Variants in CDH6 observed in about 807,000 individuals in gnomAD.
The protein encoded by CDH6 is cadherin-6.
Under a neutral mutation model 78.0 loss-of-function variants are expected in CDH6, and 31 were observed. That is an observed-to-expected ratio of 0.40 (90% CI 0.30 to 0.54). The LOEUF is 0.54. CDH6 is among the 20% of genes least tolerant of loss of function. CDH6 has a pLI of 0.56. For synonymous variants in CDH6, 376 were observed against 368.8 expected, an observed-to-expected ratio of 1.02 and a Z score of -0.23; for missense variants, 724 against 975.9, an observed-to-expected ratio of 0.74 and a Z score of 3.44.
chr5:31,298,713 G>C (rs1737674252), intron 4 of CDH6, among the ~76,000 whole-genome samples: 1 of 152,194 alleles, frequency 6.6e-6, no homozygotes, highest in South Asian at 2.1e-4. Context: ...CAAACTTTTA[G>C]AAGTTCTTTA....
intron 1 of CDH6, among the ~76,000 whole-genome samples, chr5:31,236,010 A>G (rs1741444666): frequency 6.6e-6 from 1 of 152,106 alleles, no homozygotes; most frequent in Non-Finnish European, 1.5e-5. Context: ...ATTGCCAATA[A>G]TTTATTCTTT....
chr5:31,302,063 G>A, intron 5 of CDH6, 48 bp from the exon 6 acceptor site: 3 of 1,295,124 alleles, frequency 2.3e-6, no homozygotes, highest in South Asian at 1.5e-5. Context: ...ATGATGATAA[G>A]AGTGTGGTTA....
intron 1 of CDH6, among the ~76,000 whole-genome samples, chr5:31,217,569 C>T (rs1348830310): frequency 6.6e-6 from 1 of 152,116 alleles, no homozygotes; most frequent in Admixed American, 6.6e-5. Flanking sequence ...ATTAATTGAG[C>T]ACTTTAATAA....
intron 1 of CDH6, among the ~76,000 whole-genome samples, chr5:31,260,541 T>C (rs77152682): frequency 0.026 from 3,893 of 152,340 alleles, 177 homozygotes; most frequent in African/African-American, 0.089. Flanking sequence ...TTTTATGTGC[T>C]GTAACACATT....
At chr5:31,284,558 AG>A (rs1482828317) in intron 2 of CDH6, among the ~76,000 whole-genome samples, 1 of 152,196 alleles carries the variant, frequency 6.6e-6, no homozygotes, top group African/African-American at 2.4e-5. Context: ...CAGAACAAGA[AG>A]GGGGTGGATT....
chr5:31,294,303 A>G lies in CDH6; in HGVS notation c.523+47A>G. The G allele has an allele frequency of 6.6e-7, 1 of 1,509,548 alleles. No individual in the cohort carries two copies. The highest frequency in any genetic ancestry group is 9.1e-7 in the Non-Finnish European group (1 of 1,102,236). 93.5% of individuals were successfully genotyped at this position (1,509,548 alleles called of 1,614,324 possible). On this transcript the variant is annotated intron_variant, in intron 3 of 11. Coordinates refer to ENST00000265071, the MANE Select transcript of CDH6 (RefSeq NM_004932.4). This position sits in a 1 kb window ranked among gnomAD's most constrained non-coding sequence, Gnocchi z 4.1. ...CCAAAAGCTGGCTTTCCCCTAGTGC[A>G]TCCACTGAGTAAGGAATCCCACGAG... is the stretch of plus-strand genomic sequence containing the variant.
At chr5:31,310,296 C>T (rs1443901509) in intron 7 of CDH6, among the ~76,000 whole-genome samples, 1 of 152,244 alleles carries the variant, frequency 6.6e-6, no homozygotes, top group Non-Finnish European at 1.5e-5. Flanking sequence ...TCTCCTTTGA[C>T]TCCATGTCTC....
chr5:31,228,426 A>G (rs1176462591), intron 1 of CDH6, among the ~76,000 whole-genome samples: 1 of 152,212 alleles, frequency 6.6e-6, no homozygotes, highest in Non-Finnish European at 1.5e-5. Context: ...AGGAAGCTGC[A>G]TTCACCTTGA....
intron 1 of CDH6, among the ~76,000 whole-genome samples, chr5:31,210,670 T>C (rs1740679448): frequency 6.6e-6 from 1 of 152,154 alleles, no homozygotes; most frequent in Non-Finnish European, 1.5e-5. Context: ...AATGGTGAAG[T>C]ATTTGCACAT....
rs1561065159 is a variant in CDH6, at chr5:31,302,148, G to A, written c.849G>A (p.Pro283=). 4 of 1,613,326 alleles carry A rather than the reference G, an allele frequency of 2.5e-6. No homozygotes were observed. The highest frequency in any genetic ancestry group is 1.1e-5 in the South Asian group (1 of 91,012). Residue 283 remains proline, a synonymous_variant, in exon 6 of 12, where the codon CCG becomes CCA. Transcript: ENST00000265071. ...YQFKTPESSP[P]GTPIGRIKAS... ...TTAAAACTCCTGAATCTTCTCCACC[G>A]GGGACACCAATTGGCAGAATCAAAG...
At chr5:31,270,778 C>G (rs1196965093) in intron 2 of CDH6, among the ~76,000 whole-genome samples, 3 of 152,004 alleles carry the variant, frequency 2.0e-5, no homozygotes, top group Non-Finnish European at 2.9e-5. Flanking sequence ...CTTACTGCAG[C>G]CTCGACTTCC....
At chr5:31,297,208 A>G (rs1737634003) in intron 3 of CDH6, 81 bp from the exon 4 acceptor site, 1 of 1,211,056 alleles carries the variant, frequency 8.3e-7, no homozygotes, top group Admixed American at 1.8e-5. Flanking sequence ...ATACAAAATT[A>G]AGATCGTGCT....
chr5:31,288,525 G>A (rs143894359), intron 2 of CDH6, among the ~76,000 whole-genome samples: 49 of 152,114 alleles, frequency 3.2e-4, no homozygotes, highest in African/African-American at 1.0e-3. Context: ...TTAGCATTAC[G>A]TATACATGCA....
At chr5:31,219,120 C>T (rs1740940567) in intron 1 of CDH6, among the ~76,000 whole-genome samples, 1 of 152,198 alleles carries the variant, frequency 6.6e-6, no homozygotes. Flanking sequence ...AGAACAAAGA[C>T]TCAAACACAC....
chr5:31,263,739 G>C (rs986823329), intron 1 of CDH6, among the ~76,000 whole-genome samples: 14 of 152,094 alleles, frequency 9.2e-5, no homozygotes, highest in African/African-American at 3.1e-4. Flanking sequence ...CCACATGGGG[G>C]ATTAAATTTC....
intron 6 of CDH6, among the ~76,000 whole-genome samples, chr5:31,302,943 G>GAAAA (rs1253439823): frequency 7.7e-6 from 1 of 130,230 alleles, no homozygotes. Flanking sequence ...AAGAAAGAAA[G>GAAAA]AAAGAAAGAA....
chr5:31,236,305 T>C (rs188107007), intron 1 of CDH6, among the ~76,000 whole-genome samples: 177 of 152,362 alleles, frequency 1.2e-3, no homozygotes, highest in African/African-American at 4.0e-3. Context: ...TATAGTTTAC[T>C]AATAACCACC....
rs1210204833 is a variant in CDH6, at chr5:31,294,898, C to T, written c.523+642C>T. Among the ~76,000 whole-genome samples the T allele has an allele frequency of 1.3e-5, 2 of 152,040 alleles. No individual in the cohort carries two copies. Among genetic ancestry groups the T allele is most frequent in the Non-Finnish European group, 2.9e-5 (2 of 68,012 alleles). ...ATTTGTTTAAATTGAGAGAAGTAAA[C>T]AGGATTTAAATTAAGAAAAAGAATT... is the stretch of plus-strand genomic sequence containing the variant. On this transcript the variant is annotated intron_variant, in intron 3 of 11. Transcript: ENST00000265071. This position sits in a 1 kb window ranked among gnomAD's most constrained non-coding sequence, Gnocchi z 4.1.
intron 11 of CDH6, 60 bp from the exon 12 acceptor site, chr5:31,322,758 A>T: frequency 6.5e-7 from 1 of 1,543,190 alleles, no homozygotes; most frequent in South Asian, 1.3e-5. Context: ...TTTCTTCCTG[A>T]CATTAATTGG....
Sources: allele counts gnomAD v4.1 joint callset (sites outside exome capture counted in the v4.1 genomes callset), GRCh38; gene constraint gnomAD v4.1.1; non-coding constraint Gnocchi (gnomAD v3.1); transcripts MANE v1.5; gene names NCBI Gene and HGNC (gene_info 2026-07-23, HGNC 2026-07-21).